The following WDR64 variants were observed in gnomAD, a reference collection of about 807,000 sequenced individuals.
The protein encoded by WDR64 is WD repeat domain 64, also known as WD repeat-containing protein 64.
A neutral mutation model predicts 139.3 loss-of-function variants in WDR64; 112 were observed. That is an observed-to-expected ratio of 0.80 (90% CI 0.69 to 0.94). The LOEUF (loss-of-function observed/expected upper bound fraction) is 0.94, where lower values mean the gene tolerates loss of function less well. Among genes scored for constraint, WDR64 ranks in the 40% least tolerant of loss-of-function variants. WDR64 has a pLI of 0.00. For missense variants in WDR64, 1,206 were observed against 1,293.1 expected (o/e 0.93, Z 1.03); for synonymous variants, 444 against 437.7 (o/e 1.01, Z -0.18).
rs559965674 is a variant in WDR64 at position 241,670,178 on chromosome 1, G to A, written c.277-896G>A. Among the ~76,000 whole-genome samples, 56 of 152,072 alleles carry A rather than the reference G, an allele frequency of 3.7e-4. No individual in the cohort carries two copies. In the Middle Eastern group the frequency reaches 0.01, roughly 28 times the overall value. On this transcript the variant is annotated intron_variant, in intron 2 of 27. Coordinates refer to ENST00000437684, the MANE Select transcript of WDR64 (RefSeq NM_001367482.1). ...GCTATCTTATTTTCTTCATTTTTCA[G>A]AGTTATATAATTCGACAGTTTATTC... is the stretch of plus-strand genomic sequence containing the variant.
chr1:241,801,161 T>A lies in WDR64; in HGVS notation c.3222T>A (p.Asn1074Lys). The change falls in exon 28 of 28, where the codon AAT becomes AAA. Residue 1074 changes from asparagine to lysine, a missense_variant. Coordinates refer to ENST00000437684, the MANE Select transcript of WDR64 (RefSeq NM_001367482.1). ...CACGAAGAAGAAGTTTGAAAAAAAA[T>A]TTAGTCCCACAAATAAATCTGGCTT... ...KAPRRRSLKK[N>K]LVPQINLASS... is the part of the protein sequence containing the mutation. The A allele has an allele frequency of 6.2e-7, 1 of 1,613,544 alleles. No individual in the cohort carries two copies. Among genetic ancestry groups the A allele is most frequent in the Non-Finnish European group, 8.5e-7 (1 of 1,179,716 alleles).
At chr1:241,736,453 A>G (rs1239486901) in intron 10 of WDR64, among the ~76,000 whole-genome samples, 4 of 151,324 alleles carry the variant, frequency 2.6e-5, no homozygotes, top group Non-Finnish European at 4.4e-5. Flanking sequence ...TTAGCTAGAT[A>G]GAGAAGGCCT....
chr1:241,694,221 A>G (rs1210596942), intron 8 of WDR64, among the ~76,000 whole-genome samples: 1 of 152,214 alleles, frequency 6.6e-6, no homozygotes, highest in Admixed American at 6.5e-5. Flanking sequence ...ATTTAATGGA[A>G]GAACAGCATA....
chr1:241,761,578 A>G (rs1186944284), intron 15 of WDR64, among the ~76,000 whole-genome samples: 2 of 151,566 alleles, frequency 1.3e-5, no homozygotes, highest in Non-Finnish European at 2.9e-5. Context: ...ATATGTATAT[A>G]TAGATAATTA....
chr1:241,757,593 T>C (rs1010834843), intron 15 of WDR64, 134 bp downstream of exon 15: 9 of 682,334 alleles, frequency 1.3e-5, no homozygotes, highest in African/African-American at 1.3e-4. Context: ...TTTCTGTATA[T>C]GACCAAACTT....
At chr1:241,653,082 C>G (rs1221908483) in intron 1 of WDR64, among the ~76,000 whole-genome samples, 1 of 152,216 alleles carries the variant, frequency 6.6e-6, no homozygotes, top group Non-Finnish European at 1.5e-5. Context: ...CTCTCCATAT[C>G]TCTAGGCAGG....
At position 241,703,234 on chromosome 1, in the gene WDR64, T is replaced by C. The variant is rs901651069; in HGVS notation, c.975-8568T>C. Among the ~76,000 whole-genome samples, 1 of 152,158 alleles carries C rather than the reference T, an allele frequency of 6.6e-6. No individual in the cohort carries two copies. The highest frequency in any genetic ancestry group is 2.1e-4 in the South Asian group (1 of 4,820). On this transcript the variant is annotated intron_variant, in intron 8 of 27. Coordinates refer to ENST00000437684, the MANE Select transcript of WDR64 (RefSeq NM_001367482.1). This position sits in a 1 kb window ranked among gnomAD's most constrained non-coding sequence, Gnocchi z 5.9. ...CCCTGCTTCTTTAGCAATCACACAG[T>C]TCCCCTGGGATGCTTCCCGTCTGCA...
chr1:241,788,171 A>G (rs7533622), intron 24 of WDR64, 137 bp downstream of exon 24: 241,190 of 657,178 alleles, frequency 0.37, 45,466 homozygotes, highest in East Asian at 0.45. Flanking sequence ...GTGGAAGGGA[A>G]ATGTATGTAA....
chr1:241,750,700 T>C (rs1265064202), intron 14 of WDR64, among the ~76,000 whole-genome samples: 2 of 152,256 alleles, frequency 1.3e-5, no homozygotes, highest in African/African-American at 4.8e-5. Flanking sequence ...TTTTTAGTTC[T>C]ACTGTAGCAT....
In WDR64 at chr1:241,741,547, T is replaced by C; in HGVS notation, c.1353T>C (p.Thr451=). Residue 451 remains threonine (T), a synonymous_variant, in exon 12 of 28, where the codon ACT becomes ACC. Transcript: ENST00000437684. The part of the protein sequence containing the change: ...GSSVMDMYPL[T]RMIQDTKQVP... ...GTGTTATGGACATGTATCCTTTGAC[T>C]AGGATGATACAAGATACAAAACAGG... 6.2e-7 allele frequency: 1 copy of C among 1,612,660 alleles called. No individual in the cohort carries two copies. The highest frequency in any genetic ancestry group is 1.1e-5 in the South Asian group (1 of 90,722).
intron 7 of WDR64, 115 bp from the exon 8 acceptor site, chr1:241,687,346 T>G: frequency 7.8e-7 from 1 of 1,276,040 alleles, no homozygotes. Context: ...TTGGGCTGTA[T>G]TCTACATTTG....
At chr1:241,708,044 G>A (rs1668020479) in intron 8 of WDR64, among the ~76,000 whole-genome samples, 1 of 152,044 alleles carries the variant, frequency 6.6e-6, no homozygotes, top group African/African-American at 2.4e-5. Flanking sequence ...TTTTTACTGG[G>A]GCTCTCATAA....
intron 3 of WDR64, among the ~76,000 whole-genome samples, chr1:241,672,901 C>T (rs1426057488): frequency 1.3e-5 from 2 of 152,118 alleles, no homozygotes; most frequent in African/African-American, 4.8e-5. Flanking sequence ...ACTTGTATGA[C>T]ATGCTGAAGA....
At chr1:241,657,496 TACCTACTG>T (rs1665654520) in intron 1 of WDR64, among the ~76,000 whole-genome samples, 4 of 152,174 alleles carry the variant, frequency 2.6e-5, no homozygotes, top group Non-Finnish European at 5.9e-5. Flanking sequence ...AGGTACCTCA[TACCTACTG>T]ACCTTCTTGG....
At chr1:241,759,127 G>A (rs6694094) in intron 15 of WDR64, among the ~76,000 whole-genome samples, 22,927 of 151,702 alleles carry the variant, frequency 0.15, 1,932 homozygotes, top group African/African-American at 0.19. Context: ...GTCATTTTAT[G>A]TGCTATCATT....
chr1:241,699,284 A>G (rs1667614831), intron 8 of WDR64, among the ~76,000 whole-genome samples: 1 of 152,328 alleles, frequency 6.6e-6, no homozygotes, highest in African/African-American at 2.4e-5. Context: ...TGCAACATTC[A>G]CTTTCTGATT....
intron 27 of WDR64, among the ~76,000 whole-genome samples, chr1:241,800,334 C>T (rs1269779439): frequency 6.6e-6 from 1 of 152,134 alleles, no homozygotes; most frequent in Admixed American, 6.6e-5. Flanking sequence ...TCTCCTCTTC[C>T]CTTTTTCTTC....
intron 26 of WDR64, among the ~76,000 whole-genome samples, chr1:241,795,729 C>T (rs1659344599): frequency 6.6e-6 from 1 of 152,134 alleles, no homozygotes; most frequent in African/African-American, 2.4e-5. Flanking sequence ...TCATTCATTT[C>T]TTGTTTCCCT....
intron 23 of WDR64, among the ~76,000 whole-genome samples, chr1:241,784,854 TGA>T (rs34788431): frequency 0.15 from 22,108 of 148,160 alleles, 1,968 homozygotes; most frequent in Non-Finnish European, 0.21. Flanking sequence ...CTTGGGAGGC[TGA>T]GGCAAAAGAA....
Sources: allele counts gnomAD v4.1 joint callset (sites outside exome capture counted in the v4.1 genomes callset), GRCh38; gene constraint gnomAD v4.1.1; non-coding constraint Gnocchi (gnomAD v3.1); transcripts MANE v1.5; gene names NCBI Gene and HGNC (gene_info 2026-07-23, HGNC 2026-07-21).